Variants in NTM observed in about 807,000 individuals in gnomAD.
The protein encoded by NTM is neurotrimin.
Under a neutral mutation model 42.1 loss-of-function variants are expected in NTM, and 13 were observed. The observed-to-expected ratio is 0.31, with a 90% CI of 0.20 to 0.49. The LOEUF is 0.49. NTM is among the 20% of genes least tolerant of loss of function. The pLI, the probability that NTM is intolerant of heterozygous loss-of-function variation, is 0.99. For synonymous variants in NTM, 187 were observed against 179.2 expected (o/e 1.04, Z -0.35); for missense variants, 373 against 452.8 (o/e 0.82, Z 1.60).
chr11:132,078,918 G>A (rs1288175017), intron 2 of NTM, among the ~76,000 whole-genome samples: 1 of 152,286 alleles, frequency 6.6e-6, no homozygotes, highest in East Asian at 1.9e-4. Flanking sequence ...TCAATAAGGA[G>A]AAGTCCAACT....
At chr11:131,384,247 C>G (rs1943043121) in intron 1 of NTM, among the ~76,000 whole-genome samples, 1 of 152,082 alleles carries the variant, frequency 6.6e-6, no homozygotes, top group South Asian at 2.1e-4. Context: ...TGAGGGCAAA[C>G]ACTAGTCTTT....
At chr11:131,496,313 C>T (rs1955334619) in intron 1 of NTM, among the ~76,000 whole-genome samples, 1 of 152,228 alleles carries the variant, frequency 6.6e-6, no homozygotes, top group Admixed American at 6.5e-5. Context: ...AGCTGGAGTT[C>T]AGCCCCATGT....
rs1199540899 is a variant in NTM, at chr11:131,506,727, G to A, written c.82+135839G>A. ...TGGGAAGGAGGCAGTAGGCCCCTGG[G>A]AAAAGTGCTCTTCACTTCCTCTCCT... On this transcript the variant is annotated intron_variant, in intron 1 of 8. Coordinates refer to ENST00000683400, the MANE Select transcript of NTM (RefSeq NM_001352005.2). Among the ~76,000 whole-genome samples the A allele has an allele frequency of 5.3e-5, 8 of 152,332 alleles. 1 individual carries two copies. In the East Asian group the frequency reaches 1.4e-3, roughly 26 times the overall value.
rs1049345505 is a variant in NTM, at chr11:132,174,545, G to C, written c.400+28031G>C. On this transcript the variant is annotated intron_variant, in intron 3 of 8. Coordinates refer to ENST00000683400, the MANE Select transcript of NTM (RefSeq NM_001352005.2). ...GGACTATGATGGGCATTGCTGTGTC[G>C]CCTCTTTCTCCCTCTTATGGAGGGG... is the stretch of plus-strand genomic sequence containing the variant. 2.0e-5 allele frequency among the ~76,000 whole-genome samples: 3 copies of C among 152,310 alleles called. No individual in the cohort carries two copies. In the South Asian group the frequency reaches 6.2e-4, roughly 32 times the overall value.
At chr11:131,691,270 G>A (rs1181191971) in intron 1 of NTM, among the ~76,000 whole-genome samples, 2 of 152,212 alleles carry the variant, frequency 1.3e-5, no homozygotes, top group Non-Finnish European at 2.9e-5. Flanking sequence ...CAGATCCTCA[G>A]GCCCAGCAAG....
At chr11:131,870,481 C>G (rs115377691) in intron 1 of NTM, among the ~76,000 whole-genome samples, 72 of 152,224 alleles carry the variant, frequency 4.7e-4, no homozygotes, top group African/African-American at 1.6e-3. Flanking sequence ...GATGGGTGCC[C>G]CAGCCTGGTC....
At chr11:131,833,699 C>T (rs2043112032) in intron 1 of NTM, among the ~76,000 whole-genome samples, 2 of 152,166 alleles carry the variant, frequency 1.3e-5, no homozygotes, top group Admixed American at 1.3e-4. Flanking sequence ...CCGTGTTTTC[C>T]ATTAGGCCCT....
intron 1 of NTM, among the ~76,000 whole-genome samples, chr11:131,887,329 GAACAAA>G (rs779057322): frequency 6.6e-5 from 10 of 152,158 alleles, no homozygotes; most frequent in Admixed American, 2.0e-4. Context: ...GAGTGCCTGG[GAACAAA>G]AACAAAAACA....
intron 4 of NTM, among the ~76,000 whole-genome samples, chr11:132,260,416 A>T (rs1591591080): frequency 6.6e-6 from 1 of 152,180 alleles, no homozygotes; most frequent in East Asian, 1.9e-4. Flanking sequence ...TTACCATGGG[A>T]ATGTTTATTT....
chr11:131,874,039 A>T (rs2048227154), intron 1 of NTM, among the ~76,000 whole-genome samples: 1 of 31,962 alleles, frequency 3.1e-5, no homozygotes, highest in Non-Finnish European at 4.6e-5. Flanking sequence ...TAATATATAT[A>T]TATATATATA....
At chr11:131,597,301 A>G (rs1592163442) in intron 1 of NTM, among the ~76,000 whole-genome samples, 1 of 151,328 alleles carries the variant, frequency 6.6e-6, no homozygotes, top group African/African-American at 2.4e-5. Flanking sequence ...TCCTCTGTCT[A>G]CCCCTTTGTG....
intron 2 of NTM, among the ~76,000 whole-genome samples, chr11:132,119,881 A>G: frequency 6.6e-6 from 1 of 152,270 alleles, no homozygotes; most frequent in Middle Eastern, 3.2e-3. Flanking sequence ...AAGGGCTAGC[A>G]TGAGAATGGC....
At chr11:132,173,749 T>C (rs1418591087) in intron 3 of NTM, among the ~76,000 whole-genome samples, 1 of 152,202 alleles carries the variant, frequency 6.6e-6, no homozygotes, top group Non-Finnish European at 1.5e-5. Context: ...TGCCCAGGAA[T>C]GGAGAGTGGA....
Position 131,461,309 on chromosome 11 carries a change from T to C in NTM, c.82+90421T>C, listed in dbSNP as rs181392970. Among the ~76,000 whole-genome samples, 18 of 152,338 alleles carry C rather than the reference T, an allele frequency of 1.2e-4. No homozygotes were observed. The East Asian group carries it at 3.5e-3, about 29-fold the overall frequency. ...CTCAGCAGATTGGGTGCCATAGAGATACAGAAATCTCAGAAAAGCATCTCA... is the reference window on the plus strand; with the variant it reads ...CTCAGCAGATTGGGTGCCATAGAGACACAGAAATCTCAGAAAAGCATCTCA... On this transcript the variant is annotated intron_variant, in intron 1 of 8. Transcript: ENST00000683400.
At chr11:131,829,873 C>G (rs1247068894) in intron 1 of NTM, among the ~76,000 whole-genome samples, 1 of 152,154 alleles carries the variant, frequency 6.6e-6, no homozygotes, top group African/African-American at 2.4e-5. Context: ...AATAGCCACT[C>G]TGACCAGTGT....
intron 1 of NTM, among the ~76,000 whole-genome samples, chr11:131,857,881 A>G (rs1308442385): frequency 1.3e-5 from 2 of 152,100 alleles, no homozygotes; most frequent in African/African-American, 2.4e-5. Context: ...AGTTATTCCA[A>G]TGACATCTCA....
At chr11:132,019,958 GT>G (rs972546586) in intron 2 of NTM, among the ~76,000 whole-genome samples, 7 of 151,750 alleles carry the variant, frequency 4.6e-5, no homozygotes, top group Admixed American at 1.3e-4. Context: ...AGTGTGTATA[GT>G]ACCTGACAGG....
intron 2 of NTM, among the ~76,000 whole-genome samples, chr11:131,929,925 A>T (rs990590041): frequency 6.6e-6 from 1 of 152,248 alleles, no homozygotes; most frequent in Non-Finnish European, 1.5e-5. Flanking sequence ...TGAATGCATC[A>T]GCAAAGAGGC....
chr11:131,855,272 C>T (rs370390220), intron 1 of NTM, among the ~76,000 whole-genome samples: 30 of 152,234 alleles, frequency 2.0e-4, no homozygotes, highest in African/African-American at 5.1e-4. Flanking sequence ...TAAAAGAAAA[C>T]GAATGGAATG....
Sources: gnomAD v4.1 joint callset for allele counts (sites outside exome capture counted in the v4.1 genomes callset) on GRCh38, gnomAD v4.1.1 for gene constraint, MANE v1.5 for transcripts, NCBI Gene and HGNC (gene_info 2026-07-23, HGNC 2026-07-21) for gene names.